VPS41: variants seen among roughly 807,000 people sequenced by gnomAD.
VPS41 encodes the protein vacuolar protein sorting-associated protein 41 homolog.
A neutral mutation model predicts 130.9 loss-of-function variants in VPS41; 85 were observed. The ratio of observed to expected loss-of-function variants is 0.65; its 90% CI spans 0.55 to 0.78. VPS41 has a LOEUF of 0.78. Ranked by LOEUF, VPS41 falls within the 30% of genes least tolerant of loss-of-function variation. VPS41 has a pLI of 0.00. For synonymous variants in VPS41, 335 were observed against 332.9 expected, an observed-to-expected ratio of 1.01 and a Z score of -0.07; for missense variants, 874 against 1,018.7, an observed-to-expected ratio of 0.86 and a Z score of 1.93.
chr7:38,808,552 G>A (rs796435441), intron 7 of VPS41, among the ~76,000 whole-genome samples: 122 of 152,260 alleles, frequency 8.0e-4, no homozygotes, highest in African/African-American at 2.7e-3. Flanking sequence ...TTAGATTGGT[G>A]GCTGCCTGTG....
intron 4 of VPS41, among the ~76,000 whole-genome samples, chr7:38,861,203 A>G (rs145788818): frequency 5.3e-5 from 8 of 152,356 alleles, no homozygotes; most frequent in Admixed American, 2.6e-4. Flanking sequence ...CATGAACCTT[A>G]GCAAGCAAAC....
chr7:38,749,315 C>G (rs1272650881), intron 22 of VPS41, among the ~76,000 whole-genome samples: 1 of 152,122 alleles, frequency 6.6e-6, no homozygotes, highest in Non-Finnish European at 1.5e-5. Context: ...ATCACCTCCT[C>G]TCAACAATTA....
intron 7 of VPS41, among the ~76,000 whole-genome samples, chr7:38,800,159 G>A (rs901748123): frequency 8.5e-5 from 13 of 152,102 alleles, no homozygotes; most frequent in African/African-American, 3.1e-4. Flanking sequence ...GAGGAATGAC[G>A]GAGCATAATA....
At chr7:38,767,404 A>G (rs1784067229) in intron 15 of VPS41, 133 bp downstream of exon 15, 1 of 459,322 alleles carries the variant, frequency 2.2e-6, no homozygotes, top group Non-Finnish European at 3.7e-6. Context: ...TTTAAAAATA[A>G]TATTCAAAAA....
At chr7:38,871,849 T>C (rs1336301190) in intron 2 of VPS41, among the ~76,000 whole-genome samples, 2 of 152,214 alleles carry the variant, frequency 1.3e-5, no homozygotes, top group Non-Finnish European at 2.9e-5. Flanking sequence ...TCTATAAAGA[T>C]AGAGACTCAT....
At chr7:38,879,120 G>A (rs1445183890) in intron 2 of VPS41, among the ~76,000 whole-genome samples, 1 of 152,174 alleles carries the variant, frequency 6.6e-6, no homozygotes, top group Non-Finnish European at 1.5e-5. Context: ...TGAGAGGAAA[G>A]AGGGATTCCA....
intron 2 of VPS41, among the ~76,000 whole-genome samples, chr7:38,897,505 C>T (rs187159086): frequency 6.6e-5 from 10 of 152,086 alleles, no homozygotes; most frequent in Non-Finnish European, 1.2e-4. Flanking sequence ...ATTAGCTGGG[C>T]GTGGCGGCGG....
At chr7:38,794,899 C>G (rs1408368435) in intron 9 of VPS41, among the ~76,000 whole-genome samples, 1 of 152,058 alleles carries the variant, frequency 6.6e-6, no homozygotes, top group Non-Finnish European at 1.5e-5. Flanking sequence ...AGCTTTGGGC[C>G]CCCTTTCACA....
intron 4 of VPS41, among the ~76,000 whole-genome samples, chr7:38,851,013 GTCCAGGTGATTTCACC>G (rs1255754915): frequency 6.6e-6 from 1 of 152,174 alleles, no homozygotes; most frequent in Non-Finnish European, 1.5e-5. Flanking sequence ...TACAGCATCT[GTCCAGGTGATTTCACC>G]TCATAGAACT....
In VPS41 at chr7:38,752,269, A is replaced by G. The variant is rs1783692185; in HGVS notation, c.1833T>C (p.Arg611=). 6.2e-7 allele frequency: 1 copy of G among 1,613,858 alleles called. No individual in the cohort carries two copies. The highest frequency in any genetic ancestry group is 8.5e-7 in the Non-Finnish European group (1 of 1,179,880). ...AAAGACTGATCTGTTTTTCATGGTA[A>G]CGCTGCCCCTTATGGTGGTCTCTCT... ...LFKRDHHKGQ[R]YHEKQISLYA... is the part of the protein sequence containing the mutation. Residue 611 remains arginine (R), a synonymous_variant, in exon 22 of 29, where the codon CGT becomes CGC. Transcript: ENST00000310301.
chr7:38,822,015 G>C (rs1785181963), intron 5 of VPS41, among the ~76,000 whole-genome samples: 1 of 152,072 alleles, frequency 6.6e-6, no homozygotes, highest in African/African-American at 2.4e-5. Context: ...GATCAGTGTG[G>C]TAAGAGATTA....
intron 10 of VPS41, among the ~76,000 whole-genome samples, chr7:38,780,679 T>C (rs1020995147): frequency 3.3e-5 from 5 of 152,098 alleles, no homozygotes. Flanking sequence ...ACAAATGACA[T>C]ATGTAATTTA....
At chr7:38,745,193 G>T (rs17679853) in intron 23 of VPS41, among the ~76,000 whole-genome samples, 32,407 of 152,070 alleles carry the variant, frequency 0.21, 4,428 homozygotes, top group Non-Finnish European at 0.31. Flanking sequence ...GTTATTTAGG[G>T]TGTGATTTCT....
At chr7:38,757,511 A>C (rs1451151919) in intron 18 of VPS41, among the ~76,000 whole-genome samples, 8 of 152,200 alleles carry the variant, frequency 5.3e-5, no homozygotes, top group Admixed American at 5.2e-4. Context: ...TTGGTCCATT[A>C]CGAACGTGCT....
intron 2 of VPS41, among the ~76,000 whole-genome samples, chr7:38,896,921 C>T (rs1787009775): frequency 6.6e-6 from 1 of 152,198 alleles, no homozygotes; most frequent in African/African-American, 2.4e-5. Flanking sequence ...GGGCCAGGTG[C>T]AGTGACTCAT....
At chr7:38,782,505 C>T (rs947654524) in intron 10 of VPS41, among the ~76,000 whole-genome samples, 17 of 152,182 alleles carry the variant, frequency 1.1e-4, no homozygotes, top group African/African-American at 4.1e-4. Flanking sequence ...GGTTTTGTGA[C>T]CTAGTTGTTC....
intron 4 of VPS41, among the ~76,000 whole-genome samples, chr7:38,832,109 T>C (rs1005871591): frequency 6.6e-6 from 1 of 152,146 alleles, no homozygotes; most frequent in East Asian, 1.9e-4. Flanking sequence ...TTTGATCTTC[T>C]GTAAACTGCT....
intron 19 of VPS41, among the ~76,000 whole-genome samples, chr7:38,755,608 G>A (rs150736916): frequency 4.6e-5 from 7 of 152,162 alleles, no homozygotes; most frequent in Non-Finnish European, 8.8e-5. Flanking sequence ...CGACCTAGCT[G>A]TCTGCTCCAA....
At position 38,894,159 on chromosome 7, in the gene VPS41, C is replaced by A. The variant is rs1313025592; in HGVS notation, c.60+3932G>T. Among the ~76,000 whole-genome samples the A allele has an allele frequency of 3.3e-5, 5 of 152,070 alleles. No homozygotes were observed. The East Asian group carries it at 9.7e-4, about 29-fold the overall frequency. ...AAAAAAGTTTAACAGTTACAAAACA[C>A]GAGAAGAGATGATAGAGAACGAAGA... is the stretch of plus-strand genomic sequence containing the variant. On this transcript the variant is annotated intron_variant, in intron 2 of 28. Transcript: ENST00000310301.
Sources: allele counts gnomAD v4.1 joint callset (sites outside exome capture counted in the v4.1 genomes callset), GRCh38; gene constraint gnomAD v4.1.1; transcripts MANE v1.5; gene names NCBI Gene and HGNC (gene_info 2026-07-23, HGNC 2026-07-21).